Variants in DYNC2LI1 observed in about 807,000 individuals in gnomAD.
DYNC2LI1 encodes the protein dynein cytoplasmic 2 light intermediate chain 1.
A neutral mutation model predicts 51.9 loss-of-function variants in DYNC2LI1; 45 were observed. The ratio of observed to expected loss-of-function variants is 0.87; its 90% CI spans 0.68 to 1.11. The LOEUF is 1.11. Among genes scored for constraint, DYNC2LI1 ranks in the 50% most tolerant of loss-of-function variants. The pLI is 0.00. For synonymous variants in DYNC2LI1, 130 were observed against 137.8 expected (o/e 0.94, Z 0.40); for missense variants, 490 against 417.4 (o/e 1.17, Z -1.51).
At chr2:43,805,437 T>G (rs1298863271) in intron 12 of DYNC2LI1, 191 bp downstream of exon 12, 4 of 330,172 alleles carry the variant, frequency 1.2e-5, no homozygotes, top group Non-Finnish European at 1.6e-5. Context: ...AAATTTGATA[T>G]GAATAAAGAA....
intron 8 of DYNC2LI1, among the ~76,000 whole-genome samples, chr2:43,799,453 T>C (rs953178436): frequency 1.3e-5 from 2 of 152,206 alleles, no homozygotes; most frequent in Non-Finnish European, 2.9e-5. Flanking sequence ...GATAACTCTC[T>C]AATATAGTTG....
At chr2:43,774,634 C>T (rs766785073) in intron 1 of DYNC2LI1, among the ~76,000 whole-genome samples, 2 of 152,208 alleles carry the variant, frequency 1.3e-5, no homozygotes, top group African/African-American at 4.8e-5. Context: ...ATTTTAATTA[C>T]CTGTTCACAA....
At position 43,796,056 on chromosome 2, in the gene DYNC2LI1, A is replaced by T. The variant is rs558279968; in HGVS notation, c.576+98A>T. 1.3e-5 allele frequency: 11 copies of T among 878,448 alleles called. No individual in the cohort carries two copies. The South Asian group carries it at 1.8e-4, about 15-fold the overall frequency. 54.4% of individuals were successfully genotyped at this position (878,448 alleles called of 1,614,324 possible). ...TAATATCAAAATAAGAAAAATAATTATTGAAGGAATCGGTTAAGTCATGCA... is the reference window on the plus strand; with the variant it reads ...TAATATCAAAATAAGAAAAATAATTTTTGAAGGAATCGGTTAAGTCATGCA... On this transcript the variant is annotated intron_variant, in intron 7 of 12. Coordinates refer to ENST00000260605, the MANE Select transcript of DYNC2LI1 (RefSeq NM_016008.4).
At chr2:43,785,256 G>A (rs944692897) in intron 3 of DYNC2LI1, among the ~76,000 whole-genome samples, 3 of 152,058 alleles carry the variant, frequency 2.0e-5, no homozygotes, top group East Asian at 1.9e-4. Context: ...CTGTGATCGC[G>A]CCACTGCATT....
At chr2:43,787,893 G>C (rs1486728663) in intron 4 of DYNC2LI1, among the ~76,000 whole-genome samples, 4 of 152,054 alleles carry the variant, frequency 2.6e-5, no homozygotes, top group African/African-American at 9.7e-5. Context: ...TGCTAACACA[G>C]GCACATTTTT....
intron 2 of DYNC2LI1, among the ~76,000 whole-genome samples, chr2:43,778,109 G>A (rs1159250497): frequency 6.6e-6 from 1 of 152,020 alleles, no homozygotes; most frequent in Non-Finnish European, 1.5e-5. Context: ...TTATCGTAGA[G>A]ATCATTTATA....
intron 5 of DYNC2LI1, among the ~76,000 whole-genome samples, chr2:43,789,948 C>T (rs544296090): frequency 6.6e-6 from 1 of 152,278 alleles, no homozygotes; most frequent in South Asian, 2.1e-4. Context: ...CCCCCAGTAA[C>T]ATATTTTGCA....
At chr2:43,809,230 A>G (rs1172066183) in intron 12 of DYNC2LI1, among the ~76,000 whole-genome samples, 4 of 152,066 alleles carry the variant, frequency 2.6e-5, no homozygotes, top group Non-Finnish European at 5.9e-5. Flanking sequence ...GGGCTCAAGC[A>G]ATTCTCCTGC....
At chr2:43,822,728 C>T in the DYNC2LI1 span, 3 of 1,609,990 alleles carry the variant, frequency 1.9e-6, no homozygotes, top group Admixed American at 1.7e-5. Context: ...GGAGCTCTCC[C>T]TGCACGAGTC....
Position 43,796,773 on chromosome 2 carries a change from A to G in DYNC2LI1, c.632A>G (p.His211Arg), listed in dbSNP as rs763592820. ...VICKTLRFVA[H>R]YYGASLMFTS... ...TGCAAGACACTTCGATTTGTTGCAC[A>G]TTATTATGGAGCATCATTAATGGTT... Residue 211 changes from histidine to arginine, a missense_variant, in exon 8 of 13, where the codon CAT becomes CGT. Transcript: ENST00000260605. 4.3e-6 allele frequency: 7 copies of G among 1,613,688 alleles called. No homozygotes were observed. The highest frequency in any genetic ancestry group is 1.3e-5 in the African/African-American group (1 of 75,062).
chr2:43,805,876 T>C (rs1666233195), intron 12 of DYNC2LI1, among the ~76,000 whole-genome samples: 1 of 151,196 alleles, frequency 6.6e-6, no homozygotes, highest in Non-Finnish European at 1.5e-5. Flanking sequence ...GATTTTTCTT[T>C]TCTTTTTCTT....
chr2:43,828,069 C>G, the DYNC2LI1 span: 2 of 1,613,984 alleles, frequency 1.2e-6, no homozygotes, highest in African/African-American at 2.7e-5. Context: ...GCCAATCAGT[C>G]GGTCTGCCAC....
At chr2:43,798,204 C>T (rs934873491) in intron 8 of DYNC2LI1, among the ~76,000 whole-genome samples, 4 of 152,238 alleles carry the variant, frequency 2.6e-5, no homozygotes, top group African/African-American at 9.6e-5. Flanking sequence ...CTAGAGACAA[C>T]ATGGTCTAGC....
At chr2:43,814,794 CATTTT>C (rs1337144472), downstream of DYNC2LI1, among the ~76,000 whole-genome samples, 16 of 152,142 alleles carry the variant, frequency 1.1e-4, no homozygotes, top group African/African-American at 3.9e-4. Flanking sequence ...CTATTGTTAA[CATTTT>C]GGTAATATAT....
intron 2 of DYNC2LI1, among the ~76,000 whole-genome samples, chr2:43,780,558 G>A (rs546650834): frequency 2.0e-5 from 3 of 152,240 alleles, no homozygotes; most frequent in East Asian, 1.9e-4. Flanking sequence ...AAATAGCTTC[G>A]TTTAACAAGG....
At chr2:43,787,075 CT>C in intron 3 of DYNC2LI1, 105 bp from the exon 4 acceptor site, 1 of 807,370 alleles carries the variant, frequency 1.2e-6, no homozygotes, top group South Asian at 1.7e-5. Flanking sequence ...GGTAACTTCT[CT>C]ACTAATAAAG....
chr2:43,792,975 T>C (rs954660823), intron 5 of DYNC2LI1: 1 of 511,786 alleles, frequency 2.0e-6, no homozygotes, highest in African/African-American at 2.0e-5. Context: ...GTGTACATTA[T>C]CTGTTTAAAT....
At chr2:43,779,610 C>T (rs540771167) in intron 2 of DYNC2LI1, among the ~76,000 whole-genome samples, 1 of 152,184 alleles carries the variant, frequency 6.6e-6, no homozygotes, top group Non-Finnish European at 1.5e-5. Context: ...GCACTTAACT[C>T]ACCCCAGAAA....
At chr2:43,821,201 C>G in the DYNC2LI1 span, among the ~76,000 whole-genome samples, 1 of 152,184 alleles carries the variant, frequency 6.6e-6, no homozygotes, top group Admixed American at 6.5e-5. Flanking sequence ...CTTATGCTAT[C>G]AATGCCGTTC....
Sources: gnomAD v4.1 joint callset for allele counts (sites outside exome capture counted in the v4.1 genomes callset) on GRCh38, gnomAD v4.1.1 for gene constraint, MANE v1.5 for transcripts, NCBI Gene and HGNC (gene_info 2026-07-23, HGNC 2026-07-21) for gene names.